Variants in MDFIC observed in about 807,000 individuals in gnomAD.
MDFIC encodes the protein myoD family inhibitor domain-containing protein.
Under a neutral mutation model 23.2 loss-of-function variants are expected in MDFIC, and 17 were observed. That is an observed-to-expected ratio of 0.73 (90% CI 0.50 to 1.10). The LOEUF is 1.10. Ranked by LOEUF, MDFIC falls within the 50% of genes least tolerant of loss-of-function variation. The probability of loss-of-function intolerance (pLI) is 0.00; values close to 1 mark genes in which losing one functional copy is unlikely to be tolerated. For missense variants in MDFIC, 356 were observed against 316.6 expected, an observed-to-expected ratio of 1.12 and a Z score of -0.95; for synonymous variants, 120 against 115.2, an observed-to-expected ratio of 1.04 and a Z score of -0.27.
intron 4 of MDFIC, among the ~76,000 whole-genome samples, chr7:114,993,962 C>A (rs1791254592): frequency 6.6e-6 from 1 of 152,022 alleles, no homozygotes; most frequent in Non-Finnish European, 1.5e-5. Flanking sequence ...TAAGGTCTCC[C>A]ATTATTATTG....
chr7:114,950,327 A>G (rs559858158), intron 3 of MDFIC, among the ~76,000 whole-genome samples: 61 of 152,272 alleles, frequency 4.0e-4, no homozygotes, highest in African/African-American at 1.1e-3. Context: ...AAGGAATGAC[A>G]GGTGCTGAGA....
At chr7:114,992,808 C>A (rs1469863413) in intron 4 of MDFIC, among the ~76,000 whole-genome samples, 1 of 152,116 alleles carries the variant, frequency 6.6e-6, no homozygotes, top group East Asian at 1.9e-4. Flanking sequence ...GTCTAAAATT[C>A]TCTTTTTTCG....
rs910760985 is a variant in MDFIC, at chr7:115,014,217, G to A, written c.494-1471G>A. ...AGAGAAACAGAGGGGTGTTCAAGGA[G>A]TTAGGGAGTTTAGGATGGGATGCTT... On this transcript the variant is annotated intron_variant, in intron 4 of 4. Transcript: ENST00000393486. The A allele has an allele frequency of 1.3e-5, 13 of 985,282 alleles. No homozygotes were observed. In the South Asian group the frequency reaches 6.1e-4, roughly 46 times the overall value. The allele number at this position is 985,282 out of a possible 1,614,324, so 61.0% of individuals were successfully genotyped here.
intron 4 of MDFIC, among the ~76,000 whole-genome samples, chr7:114,991,714 T>C (rs1212015604): frequency 1.3e-5 from 2 of 152,360 alleles, no homozygotes; most frequent in East Asian, 3.9e-4. Context: ...TCTATATCTC[T>C]GTTTTGGTAC....
chr7:114,979,724 A>T lies in MDFIC; in HGVS notation c.436A>T (p.Ser146Cys), dbSNP rs1399238540. The change falls in exon 4 of 5, where the codon AGT (serine) becomes TGT (cysteine). Residue 146 changes from serine (S) to cysteine (C), a missense_variant. Coordinates refer to ENST00000393486, the MANE Select transcript of MDFIC (RefSeq NM_001166345.3). ...CAGCTTGTCTGTAAACAGCGATATC[A>T]GTAAGAAGAGCAAAGTAAATGCTGT... ...QSSLSVNSDI[S>C]KKSKVNAVFS... 1 of 1,614,172 alleles carries T rather than the reference A, an allele frequency of 6.2e-7. No homozygotes were observed. Among genetic ancestry groups the T allele is most frequent in the African/African-American group, 1.3e-5 (1 of 75,062 alleles).
chr7:114,942,445 G>T, intron 3 of MDFIC, 48 bp downstream of exon 3: 1 of 1,402,296 alleles, frequency 7.1e-7, no homozygotes, highest in Non-Finnish European at 9.6e-7. Context: ...ATATGACTAT[G>T]GTAATATATT....
At chr7:114,929,149 C>G (rs1792259283) in intron 2 of MDFIC, among the ~76,000 whole-genome samples, 1 of 106,722 alleles carries the variant, frequency 9.4e-6, no homozygotes, top group Admixed American at 9.7e-5. Context: ...CCCTGTTGCC[C>G]AGGCTGGAGT....
intron 4 of MDFIC, among the ~76,000 whole-genome samples, chr7:114,986,280 G>A (rs1793512619): frequency 6.6e-6 from 1 of 151,748 alleles, no homozygotes; most frequent in Non-Finnish European, 1.5e-5. Context: ...TGTCTTTTTG[G>A]TGATTTTCTC....
chr7:114,969,103 A>G (rs553843540), intron 3 of MDFIC, among the ~76,000 whole-genome samples: 26 of 152,344 alleles, frequency 1.7e-4, no homozygotes, highest in Non-Finnish European at 2.9e-4. Flanking sequence ...CTAGTATTTT[A>G]GATGCATTTC....
At position 114,967,825 on chromosome 7, in the gene MDFIC, CTTTT is replaced by C. The variant is rs796174038; in HGVS notation, c.218-11680_218-11677del. Among the ~76,000 whole-genome samples the C allele has an allele frequency of 1.2e-3, 130 of 108,334 alleles. 2 individuals carry two copies. Among genetic ancestry groups the C allele is most frequent in the African/African-American group, 4.3e-3 (124 of 28,716 alleles). 71.1% of individuals were successfully genotyped at this position (108,334 alleles called of 152,430 possible). On this transcript the variant is annotated intron_variant, in intron 3 of 4. Transcript: ENST00000393486. ...TAATCTTTTATTTCTTTTTTTCTTT[CTTTT>C]CTTTTTTTTTTTTTTTTTAATTTTG...
chr7:114,970,077 T>C (rs986364202), intron 3 of MDFIC, among the ~76,000 whole-genome samples: 1 of 152,190 alleles, frequency 6.6e-6, no homozygotes, highest in Non-Finnish European at 1.5e-5. Flanking sequence ...GAAGATAATA[T>C]GGCCAGGGAC....
chr7:114,993,998 G>C (rs533427236), intron 4 of MDFIC, among the ~76,000 whole-genome samples: 5 of 152,080 alleles, frequency 3.3e-5, no homozygotes, highest in Non-Finnish European at 7.4e-5. Flanking sequence ...CTCTTTGTAG[G>C]TCTCTAAGGA....
At chr7:114,933,833 T>A (rs1792376293) in intron 2 of MDFIC, 1 of 152,240 alleles carries the variant, frequency 6.6e-6, no homozygotes, top group South Asian at 2.1e-4. Context: ...TTGATTTTTT[T>A]ACTTTGATTT....
intron 4 of MDFIC, 123 bp downstream of exon 4, chr7:114,979,904 G>A: frequency 8.1e-7 from 1 of 1,229,452 alleles, no homozygotes; most frequent in South Asian, 1.3e-5. Flanking sequence ...CAGGAATTTT[G>A]GTAAAATGCA....
chr7:115,002,122 G>C (rs1447418790), intron 4 of MDFIC, among the ~76,000 whole-genome samples: 1 of 151,980 alleles, frequency 6.6e-6, no homozygotes, highest in East Asian at 1.9e-4. Flanking sequence ...GGATGACAGA[G>C]CAAGCCTCTG....
intron 3 of MDFIC, among the ~76,000 whole-genome samples, chr7:114,944,111 T>G (rs377605665): frequency 6.6e-5 from 10 of 152,314 alleles, no homozygotes; most frequent in African/African-American, 1.9e-4. Flanking sequence ...TCTAATATAT[T>G]GTAAATTGCA....
At chr7:114,923,375 G>T in intron 2 of MDFIC, 1 of 1,381,676 alleles carries the variant, frequency 7.2e-7, no homozygotes, top group South Asian at 1.3e-5. Context: ...GAAGAAACAG[G>T]ATGACAGGAT....
In MDFIC at chr7:115,019,567, T is replaced by C. The variant is rs1206210997; in HGVS notation, c.*3632T>C. On this transcript the variant is annotated 3_prime_UTR_variant, in exon 5 of 5. Coordinates refer to ENST00000393486, the MANE Select transcript of MDFIC (RefSeq NM_001166345.3). ...CTTGAATGCTAGTTAAATGCTTAGA[T>C]TTACCTAACTGCCTAATGAATCAGG... Among the ~76,000 whole-genome samples, 1 of 152,126 alleles carries C rather than the reference T, an allele frequency of 6.6e-6. No individual in the cohort carries two copies. Among genetic ancestry groups the C allele is most frequent in the East Asian group, 1.9e-4 (1 of 5,196 alleles).
intron 3 of MDFIC, among the ~76,000 whole-genome samples, chr7:114,942,974 T>C (rs1468185505): frequency 6.6e-6 from 1 of 152,204 alleles, no homozygotes; most frequent in Non-Finnish European, 1.5e-5. Flanking sequence ...CTCGAGCTCC[T>C]GGAGTTTACG....
Sources: gnomAD v4.1 joint callset for allele counts (sites outside exome capture counted in the v4.1 genomes callset) on GRCh38, gnomAD v4.1.1 for gene constraint, MANE v1.5 for transcripts, NCBI Gene and HGNC (gene_info 2026-07-23, HGNC 2026-07-21) for gene names.